The following ACTR3B variants were observed in gnomAD, a reference collection of about 807,000 sequenced individuals.
The protein encoded by ACTR3B is actin-related protein 3B.
Under a neutral mutation model 59.0 loss-of-function variants are expected in ACTR3B, and 8 were observed. The ratio of observed to expected loss-of-function variants is 0.14; its 90% CI spans 0.08 to 0.24. The LOEUF is 0.24. Among genes scored for constraint, ACTR3B ranks in the 10% least tolerant of loss-of-function variants. The pLI is 1.00. For synonymous variants in ACTR3B, 148 were observed against 197.9 expected, an observed-to-expected ratio of 0.75 and a Z score of 2.12; for missense variants, 245 against 552.3, an observed-to-expected ratio of 0.44 and a Z score of 5.58.
chr7:152,835,531 T>G lies in ACTR3B; in HGVS notation c.951+10409T>G, dbSNP rs367680544. 1.4e-4 allele frequency among the ~76,000 whole-genome samples: 21 copies of G among 152,334 alleles called. No homozygotes were observed. In the East Asian group the frequency reaches 3.7e-3, roughly 27 times the overall value. On this transcript the variant is annotated intron_variant, in intron 9 of 11. Transcript: ENST00000256001. ...TACATACCTTCATTTAAAAATATGT[T>G]ATTGCTAAAATATGCTGATACAGAG...
At chr7:152,789,609 C>T (rs1226561357) in intron 2 of ACTR3B, among the ~76,000 whole-genome samples, 1 of 150,384 alleles carries the variant, frequency 6.6e-6, no homozygotes, top group South Asian at 2.1e-4. Context: ...TCTGCAGATT[C>T]TTTAAAGTTT....
In ACTR3B at chr7:152,765,524, A is replaced by G. The variant is rs957361135; in HGVS notation, c.44+5598A>G. Among the ~76,000 whole-genome samples, 6 of 151,542 alleles carry G rather than the reference A, an allele frequency of 4.0e-5. No homozygotes were observed. In the East Asian group the frequency reaches 1.2e-3, roughly 30 times the overall value. On this transcript the variant is annotated intron_variant, in intron 1 of 11. Transcript: ENST00000256001. ...CCCACTTCTCTCAGGAGAACGGCCC[A>G]GTTCTCTCCTGAGTCCACAAAGGGG...
chr7:152,774,402 T>C (rs1179026474), intron 1 of ACTR3B, among the ~76,000 whole-genome samples: 1 of 152,082 alleles, frequency 6.6e-6, no homozygotes, highest in Non-Finnish European at 1.5e-5. Context: ...TCCCGAAGTA[T>C]TGGGATTACA....
intron 5 of ACTR3B, among the ~76,000 whole-genome samples, chr7:152,815,170 A>G (rs1170835412): frequency 3.3e-5 from 5 of 151,988 alleles, no homozygotes; most frequent in Non-Finnish European, 7.4e-5. Flanking sequence ...TTTGGGGAAT[A>G]AATGAGATGG....
At chr7:152,808,643 C>T (rs369363126) in intron 4 of ACTR3B, among the ~76,000 whole-genome samples, 2 of 152,180 alleles carry the variant, frequency 1.3e-5, no homozygotes, top group Admixed American at 1.3e-4. Flanking sequence ...CCTTCTTAAC[C>T]TTTCTCTCCT....
chr7:152,819,330 C>G (rs1380846421), intron 6 of ACTR3B, among the ~76,000 whole-genome samples: 1 of 152,242 alleles, frequency 6.6e-6, no homozygotes, highest in Non-Finnish European at 1.5e-5. Context: ...CGTTTCACTT[C>G]TGTTCCCTTC....
At chr7:152,777,803 T>C (rs1458870866) in intron 1 of ACTR3B, among the ~76,000 whole-genome samples, 2 of 151,930 alleles carry the variant, frequency 1.3e-5, no homozygotes, top group Non-Finnish European at 2.9e-5. Flanking sequence ...ATACAAAAAT[T>C]AGCCGGGCGT....
intron 1 of ACTR3B, among the ~76,000 whole-genome samples, chr7:152,774,775 C>T (rs1590212523): frequency 6.6e-6 from 1 of 152,176 alleles, no homozygotes; most frequent in African/African-American, 2.4e-5. Context: ...ATTCTTCGTT[C>T]TATAGAGACT....
chr7:152,825,425 C>T (rs1796492016), intron 9 of ACTR3B, among the ~76,000 whole-genome samples: 1 of 152,158 alleles, frequency 6.6e-6, no homozygotes, highest in South Asian at 2.1e-4. Context: ...AATTCTCCTG[C>T]CTCAGCCTCC....
At chr7:152,828,807 C>T (rs937283753) in intron 9 of ACTR3B, among the ~76,000 whole-genome samples, 15 of 151,862 alleles carry the variant, frequency 9.9e-5, no homozygotes, top group African/African-American at 3.4e-4. Flanking sequence ...GGTTCCACAG[C>T]CTCATTTGGT....
At chr7:152,784,201 TC>T (rs759407707) in intron 2 of ACTR3B, among the ~76,000 whole-genome samples, 7 of 152,216 alleles carry the variant, frequency 4.6e-5, no homozygotes, top group Non-Finnish European at 1.0e-4. Flanking sequence ...GAAACTCTGT[TC>T]TCTACATGTA....
intron 1 of ACTR3B, among the ~76,000 whole-genome samples, chr7:152,781,450 C>G (rs1040085861): frequency 1.1e-4 from 16 of 151,964 alleles, no homozygotes; most frequent in African/African-American, 3.1e-4. Context: ...GGCACTGTGC[C>G]GGGGGTGTAG....
chr7:152,784,623 T>G (rs1029558837), intron 2 of ACTR3B, among the ~76,000 whole-genome samples: 8 of 152,150 alleles, frequency 5.3e-5, no homozygotes, highest in Middle Eastern at 3.2e-3. Flanking sequence ...TACTAAAGAC[T>G]GGGGAAATTA....
chr7:152,781,739 C>A (rs1404088100), intron 1 of ACTR3B, among the ~76,000 whole-genome samples: 1 of 152,084 alleles, frequency 6.6e-6, no homozygotes, highest in Non-Finnish European at 1.5e-5. Flanking sequence ...ATCTGGAATT[C>A]TAAAGGTCAG....
intron 1 of ACTR3B, among the ~76,000 whole-genome samples, chr7:152,779,301 T>A (rs1370163661): frequency 2.0e-5 from 3 of 151,946 alleles, no homozygotes; most frequent in African/African-American, 7.3e-5. Context: ...TCCCAGGTGA[T>A]CTGGTCAGCC....
At chr7:152,814,754 T>A (rs1429842835) in intron 5 of ACTR3B, 109 bp downstream of exon 5, 2 of 827,834 alleles carry the variant, frequency 2.4e-6, no homozygotes, top group Non-Finnish European at 3.8e-6. Flanking sequence ...GTGCCCTTCC[T>A]TTTTCCACTC....
At chr7:152,786,722 C>T (rs1344185687) in intron 2 of ACTR3B, among the ~76,000 whole-genome samples, 1 of 151,976 alleles carries the variant, frequency 6.6e-6, no homozygotes, top group Non-Finnish European at 1.5e-5. Flanking sequence ...TTCCTCTTTT[C>T]TTTCCTCTGG....
At chr7:152,836,762 GCTT>G (rs1797494257) in intron 9 of ACTR3B, among the ~76,000 whole-genome samples, 1 of 152,192 alleles carries the variant, frequency 6.6e-6, no homozygotes, top group Admixed American at 6.5e-5. Flanking sequence ...GGGATAATCT[GCTT>G]CTTTTCTGTA....
intron 9 of ACTR3B, among the ~76,000 whole-genome samples, chr7:152,844,278 T>A (rs1798095355): frequency 6.6e-6 from 1 of 152,020 alleles, no homozygotes; most frequent in African/African-American, 2.4e-5. Flanking sequence ...GGCTGGTCTC[T>A]AACTCCTGAC....
Sources: allele counts gnomAD v4.1 joint callset (sites outside exome capture counted in the v4.1 genomes callset), GRCh38; gene constraint gnomAD v4.1.1; transcripts MANE v1.5; gene names NCBI Gene and HGNC (gene_info 2026-07-23, HGNC 2026-07-21).